The following SPACA6 variants were observed in gnomAD, a reference collection of about 807,000 sequenced individuals.
SPACA6 encodes the protein sperm acrosome associated 6, also known as sperm acrosome membrane-associated protein 6.
For synonymous variants in SPACA6, 6 were observed against 1.5 expected, an observed-to-expected ratio of 4.05 and a Z score of -2.21; for missense variants, 8 against 2.8, an observed-to-expected ratio of 2.88 and a Z score of -1.34.
upstream of SPACA6, among the ~76,000 whole-genome samples, chr19:51,690,148 C>T (rs879831535): frequency 6.6e-6 from 1 of 151,724 alleles, no homozygotes; most frequent in Non-Finnish European, 1.5e-5. Flanking sequence ...GATTCCAGGT[C>T]CCAGACCCCT....
upstream of SPACA6, among the ~76,000 whole-genome samples, chr19:51,689,954 G>A (rs2083355314): frequency 6.6e-6 from 1 of 150,832 alleles, no homozygotes; most frequent in South Asian, 2.1e-4. Context: ...GGCTGGAGGG[G>A]AGGGGGAGGC....
upstream of SPACA6, among the ~76,000 whole-genome samples, chr19:51,691,996 G>A (rs2083377732): frequency 1.3e-5 from 2 of 152,196 alleles, no homozygotes; most frequent in South Asian, 4.1e-4. Context: ...AGTGGGAGGT[G>A]TCAGGGAGAG....
downstream of SPACA6, among the ~76,000 whole-genome samples, chr19:51,709,933 A>C (rs1417109274): frequency 6.6e-6 from 1 of 152,102 alleles, no homozygotes; most frequent in African/African-American, 2.4e-5. Flanking sequence ...GTGCAGTCAA[A>C]CCCTCTGCCA....
At chr19:51,702,554 A>G in intron 3 of SPACA6, 75 bp from the exon 4 acceptor site, 1 of 394,336 alleles carries the variant, frequency 2.5e-6, no homozygotes, top group Non-Finnish European at 4.4e-6. Context: ...GGGCCTTGTA[A>G]CATTAGCTAG....
chr19:51,703,139 G>A lies in SPACA6; in HGVS notation c.463+41G>A, dbSNP rs1221034540. The A allele has an allele frequency of 6.0e-5, 24 of 399,808 alleles. No homozygotes were observed. The highest frequency in any genetic ancestry group is 7.1e-5 in the Non-Finnish European group (16 of 226,566). The allele number at this position is 399,808 out of a possible 1,614,324, so 24.8% of individuals were successfully genotyped here. A position where few individuals can be genotyped will look rare whatever the true frequency, so the allele number is the denominator to read the frequency against. On this transcript the variant is annotated intron_variant, in intron 5 of 8. Transcript: ENST00000637797. This position sits in a 1 kb window ranked among gnomAD's most constrained non-coding sequence, Gnocchi z 4.2. ...CTCGGGGTGCAGGAGGCCAACCTGA[G>A]AAAAGGGACCAGAGCACCGAGGGGC...
upstream of SPACA6, chr19:51,686,451 G>A (rs1413712548): frequency 6.6e-6 from 1 of 152,184 alleles, no homozygotes; most frequent in Non-Finnish European, 1.5e-5. Context: ...ACTGTGATGT[G>A]GTGCCTGTCC....
downstream of SPACA6, among the ~76,000 whole-genome samples, chr19:51,707,412 G>A (rs892173952): frequency 3.3e-5 from 5 of 151,848 alleles, no homozygotes; most frequent in Admixed American, 1.3e-4. Context: ...TAGTAGAGAC[G>A]GGGTTTCAAT....
chr19:51,683,877 G>A, the SPACA6 span, among the ~76,000 whole-genome samples: 42 of 152,250 alleles, frequency 2.8e-4, 1 homozygote, highest in South Asian at 5.2e-3. Context: ...CTGAGCCATC[G>A]GGCTTCAGAA....
intron 2 of SPACA6, among the ~76,000 whole-genome samples, chr19:51,710,709 T>C (rs2083537655): frequency 6.6e-6 from 1 of 152,060 alleles, no homozygotes; most frequent in Admixed American, 6.6e-5. Context: ...GAAATGGGTA[T>C]AGATGGGTAA....
At chr19:51,686,652 G>A (rs920978645), upstream of SPACA6, 7 of 152,332 alleles carry the variant, frequency 4.6e-5, no homozygotes, top group African/African-American at 1.7e-4. Flanking sequence ...CCCAAAGAAG[G>A]AGCCAGAGAG....
At chr19:51,709,868 G>C (rs1176298275), downstream of SPACA6, among the ~76,000 whole-genome samples, 1 of 152,206 alleles carries the variant, frequency 6.6e-6, no homozygotes, top group Non-Finnish European at 1.5e-5. Flanking sequence ...TTTGCTGATG[G>C]TTCAGAATGT....
chr19:51,702,129 G>A (rs2083473134), intron 3 of SPACA6, among the ~76,000 whole-genome samples: 1 of 152,036 alleles, frequency 6.6e-6, no homozygotes, highest in South Asian at 2.1e-4. Context: ...CCATCTCTGA[G>A]CCTCAGACCT....
At chr19:51,701,576 G>T (rs1214018856) in intron 2 of SPACA6, 82 bp from the exon 3 acceptor site, 1 of 396,654 alleles carries the variant, frequency 2.5e-6, no homozygotes, top group African/African-American at 2.1e-5. Flanking sequence ...CCCTAGCCAG[G>T]CTAGATCAGA....
chr19:51,693,192 T>A, upstream of SPACA6: 1 of 550,130 alleles, frequency 1.8e-6, no homozygotes, highest in Non-Finnish European at 3.6e-6. Flanking sequence ...TCAGAATGTC[T>A]CTGTGCCTAT....
At chr19:51,691,590 G>A (rs1176932035), upstream of SPACA6, among the ~76,000 whole-genome samples, 2 of 151,982 alleles carry the variant, frequency 1.3e-5, no homozygotes, top group Non-Finnish European at 1.5e-5. Flanking sequence ...AGAAGCCAGC[G>A]CAGAGCCAGG....
chr19:51,689,412 A>T (rs1198306077), upstream of SPACA6: 1 of 148,674 alleles, frequency 6.7e-6, no homozygotes, highest in East Asian at 2.1e-4. Flanking sequence ...GGCCGGAGGG[A>T]GTCGGGGAGA....
At chr19:51,693,161 T>G, upstream of SPACA6, 1 of 463,430 alleles carries the variant, frequency 2.2e-6, no homozygotes, top group Non-Finnish European at 4.3e-6. Flanking sequence ...CTGTCGTTTT[T>G]GGTCTTTCTG....
At chr19:51,692,582 AG>A, upstream of SPACA6, 1 of 515,080 alleles carries the variant, frequency 1.9e-6, no homozygotes, top group South Asian at 1.4e-5. This position sits in a 1 kb window ranked among gnomAD's most constrained non-coding sequence, Gnocchi z 5.6. Flanking sequence ...CTTGGGGAGG[AG>A]GGGCCGGGGG....
downstream of SPACA6, among the ~76,000 whole-genome samples, chr19:51,709,219 G>GAAAA (rs35079110): frequency 6.3e-5 from 8 of 127,012 alleles, no homozygotes; most frequent in East Asian, 7.0e-4. Context: ...ACCTGAATCA[G>GAAAA]AAAAAAAAAA....
Sources: gnomAD v4.1 joint callset for allele counts (sites outside exome capture counted in the v4.1 genomes callset) on GRCh38, gnomAD v4.1.1 for gene constraint, Gnocchi (gnomAD v3.1) non-coding constraint, MANE v1.5 for transcripts, NCBI Gene and HGNC (gene_info 2026-07-23, HGNC 2026-07-21) for gene names.